The following CSGALNACT1 variants were observed in gnomAD, a reference collection of about 807,000 sequenced individuals.
The protein encoded by CSGALNACT1 is chondroitin sulfate N-acetylgalactosaminyltransferase 1, also known as beta4GalNAcT-1.
Under a neutral mutation model 51.0 loss-of-function variants are expected in CSGALNACT1, and 52 were observed. The ratio of observed to expected loss-of-function variants is 1.02; its 90% CI spans 0.82 to 1.29. The LOEUF is 1.29. Among genes scored for constraint, CSGALNACT1 ranks in the 50% most tolerant of loss-of-function variants. The probability of loss-of-function intolerance (pLI) is 0.00; values close to 1 mark genes in which losing one functional copy is unlikely to be tolerated. For synonymous variants in CSGALNACT1, 341 were observed against 254.4 expected (o/e 1.34, Z -3.24); for missense variants, 935 against 679.2 (o/e 1.38, Z -4.19).
chr8:19,578,026 C>A (rs1015641144), intron 3 of CSGALNACT1, among the ~76,000 whole-genome samples: 2 of 152,212 alleles, frequency 1.3e-5, no homozygotes. Flanking sequence ...GAAAAAATTA[C>A]TCCAGCACCA....
chr8:19,429,286 C>A (rs1468410014), intron 6 of CSGALNACT1, among the ~76,000 whole-genome samples: 3 of 152,212 alleles, frequency 2.0e-5, no homozygotes, highest in African/African-American at 7.2e-5. Context: ...AAGTGATTCT[C>A]CTGCCTCAGC....
upstream of CSGALNACT1, among the ~76,000 whole-genome samples, chr8:19,602,926 A>G (rs2050750734): frequency 6.6e-6 from 1 of 151,730 alleles, no homozygotes; most frequent in Non-Finnish European, 1.5e-5. Context: ...ATCTGTCTTT[A>G]TTATTCGAAT....
At chr8:19,437,345 A>T (rs2060538404) in intron 6 of CSGALNACT1, among the ~76,000 whole-genome samples, 1 of 152,212 alleles carries the variant, frequency 6.6e-6, no homozygotes, top group Non-Finnish European at 1.5e-5. Flanking sequence ...GCTAGGGAGC[A>T]GTGAGTCGTA....
chr8:19,713,225 C>A (rs895274183), intron 1 of CSGALNACT1, among the ~76,000 whole-genome samples: 1 of 152,136 alleles, frequency 6.6e-6, no homozygotes, highest in Non-Finnish European at 1.5e-5. Context: ...GTGAGCCGCG[C>A]TGGGCAGACA....
At chr8:19,472,762 T>C (rs1464521956) in intron 4 of CSGALNACT1, among the ~76,000 whole-genome samples, 2 of 152,228 alleles carry the variant, frequency 1.3e-5, no homozygotes, top group Admixed American at 6.5e-5. Context: ...CTTATCAACT[T>C]TCCAAAGCAT....
upstream of CSGALNACT1, among the ~76,000 whole-genome samples, chr8:19,687,217 G>A (rs1451633806): frequency 6.6e-6 from 1 of 152,102 alleles, no homozygotes; most frequent in Non-Finnish European, 1.5e-5. Flanking sequence ...TTTTTCTCTA[G>A]TTGGTCATCC....
chr8:19,435,137 C>A (rs1282726300), intron 6 of CSGALNACT1, among the ~76,000 whole-genome samples: 1 of 152,160 alleles, frequency 6.6e-6, no homozygotes, highest in Admixed American at 6.5e-5. Context: ...CAAAGATGAA[C>A]TTGTAATGTA....
At position 19,408,777 on chromosome 8, in the gene CSGALNACT1, G is replaced by A. The variant is rs193239875; in HGVS notation, c.1228-83C>T. 6.1e-5 allele frequency: 72 copies of A among 1,188,902 alleles called. 1 individual carries two copies. Among genetic ancestry groups the A allele is most frequent in the Admixed American group, 1.0e-4 (6 of 59,012 alleles). 73.6% of individuals were successfully genotyped at this position (1,188,902 alleles called of 1,614,324 possible). On this transcript the variant is annotated intron_variant, in intron 8 of 9. Transcript: ENST00000454498. The stretch of plus-strand genomic sequence containing the variant: ...TTCACAAACTCCTGTGAGCCACCGT[G>A]GAGTGTGGAGCCCATCCCATCACTG...
intron 1 of CSGALNACT1, among the ~76,000 whole-genome samples, chr8:19,621,256 A>G (rs928934234): frequency 6.6e-6 from 1 of 152,204 alleles, no homozygotes; most frequent in Non-Finnish European, 1.5e-5. Flanking sequence ...GCAAATGTTT[A>G]ACAGCCAGAT....
intron 1 of CSGALNACT1, among the ~76,000 whole-genome samples, chr8:19,667,016 A>AAGGAAGGAAGGAAGGAAGG (rs2059383922): frequency 4.6e-5 from 2 of 43,474 alleles, no homozygotes; most frequent in East Asian, 5.3e-4. Context: ...AGAAAGAAAG[A>AAGGAAGGAAGGAAGGAAGG]AAGGAAGGAA....
At chr8:19,424,334 A>T (rs1366589687) in intron 6 of CSGALNACT1, among the ~76,000 whole-genome samples, 1 of 152,142 alleles carries the variant, frequency 6.6e-6, no homozygotes, top group Non-Finnish European at 1.5e-5. Flanking sequence ...CCGTCTGAGG[A>T]TGAATAATGG....
intron 6 of CSGALNACT1, among the ~76,000 whole-genome samples, chr8:19,434,419 C>G (rs116533407): frequency 6.6e-6 from 1 of 152,118 alleles, no homozygotes; most frequent in Admixed American, 6.5e-5. Context: ...CTTTTTTTCT[C>G]TCTCTGAAGG....
At chr8:19,424,967 G>A (rs554816165) in intron 6 of CSGALNACT1, among the ~76,000 whole-genome samples, 3 of 152,144 alleles carry the variant, frequency 2.0e-5, no homozygotes, top group South Asian at 2.1e-4. Flanking sequence ...AGATGATTCC[G>A]ATTGTGAAAG....
Position 19,428,691 on chromosome 8 carries a change from G to A in CSGALNACT1, c.954-8173C>T, listed in dbSNP as rs188210450. Among the ~76,000 whole-genome samples the A allele has an allele frequency of 4.0e-4, 61 of 152,242 alleles. No homozygotes were observed. In the Middle Eastern group the frequency reaches 0.017, roughly 42 times the overall value. ...TCATTAAGTACGATGCTTCTTTTATGTCTTAAATAAACTACTATACAGCAG... is the reference window on the plus strand; with the variant it reads ...TCATTAAGTACGATGCTTCTTTTATATCTTAAATAAACTACTATACAGCAG... On this transcript the variant is annotated intron_variant, in intron 6 of 9. Transcript: ENST00000454498.
At chr8:19,515,197 T>C (rs564920852) in intron 3 of CSGALNACT1, among the ~76,000 whole-genome samples, 3 of 148,314 alleles carry the variant, frequency 2.0e-5, no homozygotes, top group Non-Finnish European at 4.6e-5. Flanking sequence ...CTTTCCTGCC[T>C]CTGGACCCCA....
chr8:19,610,197 G>T (rs956978376), intron 1 of CSGALNACT1, among the ~76,000 whole-genome samples: 3 of 149,294 alleles, frequency 2.0e-5, no homozygotes, highest in African/African-American at 7.5e-5. Flanking sequence ...GGCTGAGGCA[G>T]GAGAATTGCT....
chr8:19,444,178 T>G (rs1198057775), intron 5 of CSGALNACT1, among the ~76,000 whole-genome samples: 1 of 152,224 alleles, frequency 6.6e-6, no homozygotes, highest in Non-Finnish European at 1.5e-5. Flanking sequence ...TATAACATGG[T>G]GTGATATTGG....
intron 1 of CSGALNACT1, among the ~76,000 whole-genome samples, chr8:19,650,183 C>G (rs2057672007): frequency 6.6e-6 from 1 of 152,100 alleles, no homozygotes; most frequent in African/African-American, 2.4e-5. Context: ...AGTAGCAAGG[C>G]ACCAGGCAAT....
intron 5 of CSGALNACT1, among the ~76,000 whole-genome samples, chr8:19,445,511 T>C (rs2061969412): frequency 6.6e-6 from 1 of 152,246 alleles, no homozygotes; most frequent in Non-Finnish European, 1.5e-5. Flanking sequence ...GAATTTGTTG[T>C]GAGGTCTACC....
Sources: gnomAD v4.1 joint callset for allele counts (sites outside exome capture counted in the v4.1 genomes callset) on GRCh38, gnomAD v4.1.1 for gene constraint, MANE v1.5 for transcripts, NCBI Gene and HGNC (gene_info 2026-07-23, HGNC 2026-07-21) for gene names.